VTI1A: variants seen among roughly 807,000 people sequenced by gnomAD.
VTI1A encodes vesicle transport through interaction with t-SNAREs 1A.
In VTI1A, 22 loss-of-function variants were observed where a neutral mutation model predicts 34.9. The ratio of observed to expected loss-of-function variants is 0.63; its 90% confidence interval spans 0.45 to 0.90. The LOEUF is 0.90. Among genes scored for constraint, VTI1A ranks in the 40% least tolerant of loss-of-function variants. VTI1A has a pLI of 0.00. For synonymous variants in VTI1A, 87 were observed against 97.3 expected (o/e 0.89, Z 0.62); for missense variants, 268 against 275.6 (o/e 0.97, Z 0.20).
chr10:112,828,557 C>G, the VTI1A span, among the ~76,000 whole-genome samples: 1 of 151,956 alleles, frequency 6.6e-6, no homozygotes, highest in Non-Finnish European at 1.5e-5. Context: ...AGGCGCCCGC[C>G]ACCACGCCCG....
intron 7 of VTI1A, among the ~76,000 whole-genome samples, chr10:112,798,650 T>A (rs1366998775): frequency 6.6e-6 from 1 of 152,232 alleles, no homozygotes; most frequent in Non-Finnish European, 1.5e-5. Context: ...TTTATCTTCA[T>A]CAAATCCACA....
intron 7 of VTI1A, among the ~76,000 whole-genome samples, chr10:112,785,554 A>G (rs988457264): frequency 2.0e-5 from 3 of 152,188 alleles, no homozygotes; most frequent in Admixed American, 2.0e-4. Context: ...TCATGCTTGT[A>G]GTGGTTTACC....
chr10:112,813,304 G>A (rs1237213589), intron 7 of VTI1A, among the ~76,000 whole-genome samples: 1 of 152,216 alleles, frequency 6.6e-6, no homozygotes, highest in Non-Finnish European at 1.5e-5. Flanking sequence ...TTCTAAATTA[G>A]CATCATGGAT....
intron 5 of VTI1A, among the ~76,000 whole-genome samples, chr10:112,601,659 GGTAA>G (rs2134472829): frequency 6.6e-6 from 1 of 152,024 alleles, no homozygotes; most frequent in South Asian, 2.1e-4. Context: ...TAAATTAATG[GGTAA>G]TACGAATTCA....
intron 3 of VTI1A, among the ~76,000 whole-genome samples, chr10:112,483,199 G>C (rs1848508026): frequency 1.3e-5 from 2 of 151,984 alleles, no homozygotes; most frequent in South Asian, 4.1e-4. Context: ...AAAGTACTAA[G>C]AAATGTCTCA....
intron 7 of VTI1A, among the ~76,000 whole-genome samples, chr10:112,753,124 A>G (rs1216248776): frequency 1.3e-5 from 2 of 152,122 alleles, no homozygotes; most frequent in African/African-American, 4.8e-5. Context: ...CCCTGAGGCA[A>G]TGGTGTTATA....
chr10:112,714,316 C>G (rs919607147), intron 7 of VTI1A, among the ~76,000 whole-genome samples: 5 of 152,154 alleles, frequency 3.3e-5, no homozygotes, highest in South Asian at 4.1e-4. Flanking sequence ...TCACTCGATG[C>G]CTTTCCCCTG....
At chr10:112,510,446 C>T (rs1272170243) in intron 3 of VTI1A, among the ~76,000 whole-genome samples, 2 of 151,946 alleles carry the variant, frequency 1.3e-5, no homozygotes, top group Non-Finnish European at 2.9e-5. Context: ...CCAGCCTGGG[C>T]AACATAGCAA....
At chr10:112,709,153 A>T (rs1849310132) in intron 7 of VTI1A, among the ~76,000 whole-genome samples, 1 of 152,128 alleles carries the variant, frequency 6.6e-6, no homozygotes, top group African/African-American at 2.4e-5. Context: ...CTCCTCCCTG[A>T]TTAGTCCCGG....
At chr10:112,618,524 T>TATATATAGAGAGAGAG (rs748276058) in intron 5 of VTI1A, among the ~76,000 whole-genome samples, 50 of 34,566 alleles carry the variant, frequency 1.4e-3, no homozygotes, top group South Asian at 1.6e-3. Flanking sequence ...TATATATATA[T>TATATATAGAGAGAGAG]AGAGAGAGAG....
chr10:112,625,260 A>T (rs1845879898), intron 5 of VTI1A, among the ~76,000 whole-genome samples: 1 of 152,254 alleles, frequency 6.6e-6, no homozygotes, highest in Admixed American at 6.5e-5. Context: ...AAGCACGATT[A>T]TCAGAAGCAT....
In VTI1A at chr10:112,712,358, G is replaced by T. The variant is rs566714655; in HGVS notation, c.560+43360G>T. ...GACTGTGGAGGTATGAAAAGCAAAA[G>T]CTGCCTGGAAATGCTCATCCTCCTA... On this transcript the variant is annotated intron_variant, in intron 7 of 7. Transcript: ENST00000393077. Among the ~76,000 whole-genome samples, 7 of 152,118 alleles carry T rather than the reference G, an allele frequency of 4.6e-5. 1 individual carries two copies. Among genetic ancestry groups the T allele is most frequent in the Admixed American group, 3.3e-4 (5 of 15,260 alleles).
At chr10:112,762,063 T>A (rs1851488102) in intron 7 of VTI1A, among the ~76,000 whole-genome samples, 1 of 152,202 alleles carries the variant, frequency 6.6e-6, no homozygotes, top group African/African-American at 2.4e-5. Context: ...TTTACTAGAT[T>A]TTATTTAAAA....
intron 3 of VTI1A, among the ~76,000 whole-genome samples, chr10:112,479,839 C>T (rs1330824241): frequency 6.6e-6 from 1 of 152,186 alleles, no homozygotes; most frequent in African/African-American, 2.4e-5. Context: ...CTATCTGGAC[C>T]TTCTTTGAAT....
At position 112,465,398 on chromosome 10, in the gene VTI1A, GAT is replaced by G. The variant is rs1847863626; in HGVS notation, c.264+742_264+743del. 2.6e-5 allele frequency among the ~76,000 whole-genome samples: 4 copies of G among 152,204 alleles called. No individual in the cohort carries two copies. In the South Asian group the frequency reaches 8.3e-4, roughly 32 times the overall value. ...AATTGAAAGCAGAGTCTCAGAGAGA[GAT>G]CTGCACATCCATATTCATAGCAGCA... On this transcript the variant is annotated intron_variant, in intron 3 of 7. Transcript: ENST00000393077.
chr10:112,807,652 G>A (rs1038850743), intron 7 of VTI1A, among the ~76,000 whole-genome samples: 12 of 151,650 alleles, frequency 7.9e-5, no homozygotes, highest in Admixed American at 1.3e-4. Flanking sequence ...TCAGGAGTTC[G>A]AAACTAGCCT....
At position 112,648,137 on chromosome 10, in the gene VTI1A, T is replaced by C. The variant is rs1056433388; in HGVS notation, c.428-20081T>C. Among the ~76,000 whole-genome samples the C allele has an allele frequency of 1.0e-3, 153 of 152,328 alleles. 1 individual carries two copies. Among genetic ancestry groups the C allele is most frequent in the Non-Finnish European group, 7.3e-4 (50 of 68,030 alleles). On this transcript the variant is annotated intron_variant, in intron 5 of 7. Coordinates refer to ENST00000393077, the MANE Select transcript of VTI1A (RefSeq NM_145206.4). ...ATTACACATCAGTTACACATCTGGA[T>C]TGATTTGGTAGCTTTTTATGAAAAA...
chr10:112,544,171 TG>T (rs1345370318), intron 5 of VTI1A, among the ~76,000 whole-genome samples: 1 of 152,232 alleles, frequency 6.6e-6, no homozygotes, highest in Non-Finnish European at 1.5e-5. Flanking sequence ...GGCTCTTTTT[TG>T]GTTCCATATG....
chr10:112,850,758 C>T, the VTI1A span, among the ~76,000 whole-genome samples: 2 of 152,190 alleles, frequency 1.3e-5, no homozygotes, highest in East Asian at 3.8e-4. Flanking sequence ...ACGTGGGGCC[C>T]TTTGTTCAAA....
Sources: allele counts gnomAD v4.1 joint callset (sites outside exome capture counted in the v4.1 genomes callset), GRCh38; gene constraint gnomAD v4.1.1; transcripts MANE v1.5; gene names NCBI Gene and HGNC (gene_info 2026-07-23, HGNC 2026-07-21).